The following GSE1 variants were observed in gnomAD, a reference collection of about 807,000 sequenced individuals.
GSE1 encodes genetic suppressor element 1.
Under a neutral mutation model 112.6 loss-of-function variants are expected in GSE1, and 32 were observed. The observed-to-expected ratio is 0.28, with a 90% CI of 0.21 to 0.38. GSE1 has a LOEUF of 0.38. Among genes scored for constraint, GSE1 ranks in the 10% least tolerant of loss-of-function variants. GSE1 has a pLI of 1.00. For synonymous variants in GSE1, 1,115 were observed against 735.6 expected (o/e 1.52, Z -8.35); for missense variants, 2,348 against 1,699.2 (o/e 1.38, Z -6.71).
intron 2 of GSE1, among the ~76,000 whole-genome samples, chr16:85,482,600 A>C (rs1000616361): frequency 1.3e-5 from 2 of 152,222 alleles, no homozygotes; most frequent in African/African-American, 4.8e-5. Context: ...CTTCAGTGCC[A>C]GCCTCTGTTT....
intron 1 of GSE1, among the ~76,000 whole-genome samples, chr16:85,231,668 T>C (rs1355743207): frequency 6.6e-6 from 1 of 152,238 alleles, no homozygotes; most frequent in Non-Finnish European, 1.5e-5. Flanking sequence ...TTAGGAGCTC[T>C]CTGGGCAGAG....
chr16:85,337,737 C>T (rs2046533681), intron 1 of GSE1, among the ~76,000 whole-genome samples: 1 of 152,230 alleles, frequency 6.6e-6, no homozygotes, highest in African/African-American at 2.4e-5. Flanking sequence ...TCTCTCAGCA[C>T]AGGGCCCAGG....
At chr16:85,210,761 A>G (rs2075211332) in intron 1 of GSE1, among the ~76,000 whole-genome samples, 1 of 152,216 alleles carries the variant, frequency 6.6e-6, no homozygotes, top group African/African-American at 2.4e-5. Flanking sequence ...CCCGCTGCCC[A>G]TTGAAACATC....
chr16:85,220,158 T>C (rs1446253767), intron 1 of GSE1, among the ~76,000 whole-genome samples: 1 of 152,226 alleles, frequency 6.6e-6, no homozygotes, highest in African/African-American at 2.4e-5. Context: ...CCAAAACATT[T>C]TCCCCTCTGG....
In GSE1 at chr16:85,663,572, A is replaced by G. The variant is rs778974801; in HGVS notation, c.2602A>G (p.Thr868Ala). The G allele has an allele frequency of 6.2e-7, 1 of 1,613,964 alleles. No individual in the cohort carries two copies. The highest frequency in any genetic ancestry group is 1.1e-5 in the South Asian group (1 of 91,074). The change falls in exon 11 of 16, where the codon ACC (threonine) becomes GCC (alanine). Residue 868 changes from threonine to alanine, a missense_variant. By Grantham distance (58) the Thr-to-Ala change is moderately conservative. Coordinates refer to ENST00000253458, the MANE Select transcript of GSE1 (RefSeq NM_014615.5). ...PNFEEKKKFL[T>A]IFNLTHISAE... ...CTTCGAAGAAAAGAAGAAGTTCCTG[A>G]CCATCTTCAACCTGACCCACATCAG...
intron 1 of GSE1, among the ~76,000 whole-genome samples, chr16:85,315,543 C>T (rs1206480258): frequency 1.3e-5 from 2 of 152,036 alleles, no homozygotes; most frequent in Non-Finnish European, 2.9e-5. Context: ...TGGGCTCCCT[C>T]GTTCATTCCG....
chr16:85,624,344 C>T (rs1460049305), intron 1 of GSE1, among the ~76,000 whole-genome samples: 1 of 152,190 alleles, frequency 6.6e-6, no homozygotes, highest in African/African-American at 2.4e-5. Flanking sequence ...GTGCCATGGG[C>T]TACACAGGGC....
intron 1 of GSE1, among the ~76,000 whole-genome samples, chr16:85,221,831 G>A (rs1408570146): frequency 6.6e-6 from 1 of 152,198 alleles, no homozygotes; most frequent in African/African-American, 2.4e-5. Context: ...GCCGGGGCTG[G>A]GGGCCAGAGC....
chr16:85,616,088 A>C (rs1238333838), intron 1 of GSE1, among the ~76,000 whole-genome samples: 2 of 152,340 alleles, frequency 1.3e-5, no homozygotes, highest in African/African-American at 4.8e-5. Flanking sequence ...TGGGCTCAGC[A>C]TCGCCGGCCC....
At chr16:85,634,396 A>G (rs2049813183) in intron 2 of GSE1, among the ~76,000 whole-genome samples, 1 of 152,018 alleles carries the variant, frequency 6.6e-6, no homozygotes, top group Admixed American at 6.5e-5. Flanking sequence ...GTCCGGATGT[A>G]GCGAGGTGCT....
intron 2 of GSE1, among the ~76,000 whole-genome samples, chr16:85,635,301 G>A (rs548245975): frequency 1.3e-5 from 2 of 152,152 alleles, no homozygotes; most frequent in South Asian, 2.1e-4. Context: ...CCACCAGGGG[G>A]CAGCCCCTCG....
intron 1 of GSE1, among the ~76,000 whole-genome samples, chr16:85,206,646 C>G (rs1373205977): frequency 2.0e-5 from 3 of 152,046 alleles, no homozygotes; most frequent in Non-Finnish European, 4.4e-5. Context: ...GCCCCTCCCC[C>G]ACCCCTTCCT....
At position 85,665,016 on chromosome 16, in the gene GSE1, C is replaced by G. The variant is rs2052723031; in HGVS notation, c.2646C>G (p.Asp882Glu). 1.3e-6 allele frequency: 2 copies of G among 1,592,178 alleles called. No individual in the cohort carries two copies. Among genetic ancestry groups the G allele is most frequent in the African/African-American group, 2.7e-5 (2 of 74,460 alleles). Reference protein sequence around the residue: ...LTHISAEKRKDKERLVEMLRA... With the variant: ...LTHISAEKRKEKERLVEMLRA... ...AATCTCAGGCTGCTTTTCTCATAGACAAAGAGAGACTTGTTGAAATGCTCC... is the reference window on the plus strand; with the variant it reads ...AATCTCAGGCTGCTTTTCTCATAGAGAAAGAGAGACTTGTTGAAATGCTCC... Residue 882 changes from aspartate to glutamate, a missense_variant and splice_region_variant, in exon 12 of 16, where the codon GAC becomes GAG. By Grantham distance (45) the Asp-to-Glu change is conservative (BLOSUM62 2). Transcript: ENST00000253458.
At chr16:85,541,230 C>G (rs2044506674) in intron 2 of GSE1, among the ~76,000 whole-genome samples, 1 of 152,226 alleles carries the variant, frequency 6.6e-6, no homozygotes, top group Admixed American at 6.5e-5. Context: ...AGCTGACCAC[C>G]TGGGGGTTCC....
chr16:85,583,782 G>C (rs147257328), intron 1 of GSE1, among the ~76,000 whole-genome samples: 1 of 152,178 alleles, frequency 6.6e-6, no homozygotes, highest in Non-Finnish European at 1.5e-5. Context: ...CTCCTGTCGT[G>C]CCACGAGAAA....
intron 2 of GSE1, among the ~76,000 whole-genome samples, chr16:85,540,963 G>T (rs765055951): frequency 6.6e-6 from 1 of 152,076 alleles, no homozygotes; most frequent in Non-Finnish European, 1.5e-5. Flanking sequence ...GGTTTTACTG[G>T]CCATTATGAG....
chr16:85,645,501 C>T (rs2050779047), intron 2 of GSE1, among the ~76,000 whole-genome samples: 1 of 152,168 alleles, frequency 6.6e-6, no homozygotes, highest in African/African-American at 2.4e-5. Flanking sequence ...CGGGACAGGG[C>T]AGCTGCCCCA....
At chr16:85,536,871 G>A (rs1192910884) in intron 2 of GSE1, among the ~76,000 whole-genome samples, 1 of 152,268 alleles carries the variant, frequency 6.6e-6, no homozygotes, top group Non-Finnish European at 1.5e-5. Flanking sequence ...CACAGGGGAA[G>A]TCTGTAGAAA....
rs1435546519 is a variant in GSE1, at chr16:85,256,577, G to A, written c.2283+84770G>A. ...CTGGGCCTGATCCAGCACCTGGCCC[G>A]GCCTCCCGGCCTTGGCTTACGCTGT... On this transcript the variant is annotated intron_variant, in intron 1 of 2. Coordinates refer to the GSE1 transcript ENST00000637419. Among the ~76,000 whole-genome samples the A allele has an allele frequency of 2.6e-5, 4 of 152,220 alleles. No individual in the cohort carries two copies. In the East Asian group the frequency reaches 5.8e-4, roughly 22 times the overall value.
Sources: gnomAD v4.1 joint callset for allele counts (sites outside exome capture counted in the v4.1 genomes callset) on GRCh38, gnomAD v4.1.1 for gene constraint, MANE v1.5 for transcripts, NCBI Gene and HGNC (gene_info 2026-07-23, HGNC 2026-07-21) for gene names.